The following HECW2 variants were observed in gnomAD, a reference collection of about 807,000 sequenced individuals.
The protein encoded by HECW2 is HECT, C2 and WW domain containing E3 ubiquitin protein ligase 2, also known as E3 ubiquitin-protein ligase HECW2.
In HECW2, 61 loss-of-function variants were observed where a neutral mutation model predicts 175.2. That is an observed-to-expected ratio of 0.35 (90% confidence interval 0.28 to 0.43). HECW2 has a LOEUF of 0.43. HECW2 is among the 20% of genes least tolerant of loss of function. The probability of loss-of-function intolerance (pLI) is 1.00; values close to 1 mark genes in which losing one functional copy is unlikely to be tolerated. For synonymous variants in HECW2, 671 were observed against 731.0 expected, an observed-to-expected ratio of 0.92 and a Z score of 1.32; for missense variants, 1,524 against 2,000.5, an observed-to-expected ratio of 0.76 and a Z score of 4.54.
At chr2:196,245,551 C>T (rs908578246) in intron 19 of HECW2, among the ~76,000 whole-genome samples, 10 of 152,126 alleles carry the variant, frequency 6.6e-5, no homozygotes, top group Admixed American at 2.0e-4. Flanking sequence ...CAGGGCCACA[C>T]GTGTGGATGA....
intron 1 of HECW2, among the ~76,000 whole-genome samples, chr2:196,515,994 G>C (rs887838237): frequency 1.3e-5 from 2 of 150,980 alleles, no homozygotes; most frequent in Non-Finnish European, 2.9e-5. Context: ...AAAAATAGTT[G>C]GACATGGTGG....
At chr2:196,294,758 T>C (rs1406025307) in intron 13 of HECW2, among the ~76,000 whole-genome samples, 1 of 152,188 alleles carries the variant, frequency 6.6e-6, no homozygotes, top group Non-Finnish European at 1.5e-5. Flanking sequence ...TGAGTCCCTC[T>C]AGAGCTTTCT....
At chr2:196,426,469 G>T (rs1695550029) in intron 2 of HECW2, among the ~76,000 whole-genome samples, 1 of 151,388 alleles carries the variant, frequency 6.6e-6, no homozygotes, top group Non-Finnish European at 1.5e-5. Flanking sequence ...TCTCATTGTG[G>T]TTTGAATTTG....
At chr2:196,368,996 G>A (rs1483626219) in intron 2 of HECW2, among the ~76,000 whole-genome samples, 2 of 152,056 alleles carry the variant, frequency 1.3e-5, no homozygotes, top group Admixed American at 1.3e-4. Flanking sequence ...TAGTTCCTTT[G>A]GTGAGGTCAT....
At chr2:196,261,937 A>G (rs1285749749) in intron 17 of HECW2, among the ~76,000 whole-genome samples, 4 of 152,262 alleles carry the variant, frequency 2.6e-5, no homozygotes, top group Non-Finnish European at 4.4e-5. Flanking sequence ...GAATAACATA[A>G]CAAGTTTGAG....
chr2:196,481,975 CT>C (rs1378426008), intron 1 of HECW2, among the ~76,000 whole-genome samples: 15 of 152,312 alleles, frequency 9.8e-5, no homozygotes, highest in African/African-American at 3.6e-4. Flanking sequence ...TGCCTTCTAA[CT>C]ACCTTCTCTT....
At chr2:196,356,109 G>A (rs191268100) in intron 2 of HECW2, among the ~76,000 whole-genome samples, 40 of 152,320 alleles carry the variant, frequency 2.6e-4, no homozygotes, top group Admixed American at 1.2e-3. Context: ...GAAACAGACA[G>A]GCAGGGGCCA....
At chr2:196,418,223 G>T (rs1205854956) in intron 2 of HECW2, among the ~76,000 whole-genome samples, 6 of 151,934 alleles carry the variant, frequency 3.9e-5, no homozygotes, top group Non-Finnish European at 7.4e-5. Flanking sequence ...CTGCCTCCCG[G>T]GTTCACGCCA....
chr2:196,329,426 G>A, intron 5 of HECW2, 149 bp downstream of exon 5: 2 of 557,284 alleles, frequency 3.6e-6, no homozygotes, highest in Non-Finnish European at 6.4e-6. Context: ...CATGGTAAGA[G>A]ATATACTTGA....
At chr2:196,388,293 C>T (rs1237566058) in intron 2 of HECW2, among the ~76,000 whole-genome samples, 2 of 151,724 alleles carry the variant, frequency 1.3e-5, no homozygotes, top group African/African-American at 4.8e-5. Flanking sequence ...GACACTGTCT[C>T]AAAAAAAATT....
At chr2:196,584,134 C>T (rs942354782) in intron 1 of HECW2, among the ~76,000 whole-genome samples, 7 of 152,150 alleles carry the variant, frequency 4.6e-5, no homozygotes, top group Admixed American at 2.0e-4. Flanking sequence ...ATGACAAAAA[C>T]CACTGTTTTT....
rs943019813 is a variant in HECW2, at chr2:196,195,683, C to T, written c.*5594G>A. ...TGCTATTCTAATGTCAAGGGATGTC[C>T]GCTAAAAAAACCAAATAAGTATAAT... On this transcript the variant is annotated 3_prime_UTR_variant, in exon 29 of 29. Transcript: ENST00000644978. 6.6e-6 allele frequency: 1 copy of T among 152,000 alleles called. No individual in the cohort carries two copies. The highest frequency in any genetic ancestry group is 2.1e-4 in the South Asian group (1 of 4,816). The allele number at this position is 152,000 out of a possible 1,614,324, so 9.4% of individuals were successfully genotyped here.
At chr2:196,411,752 T>C (rs912762952) in intron 2 of HECW2, among the ~76,000 whole-genome samples, 1 of 152,264 alleles carries the variant, frequency 6.6e-6, no homozygotes, top group Non-Finnish European at 1.5e-5. Flanking sequence ...GGCTCACGCC[T>C]GTAATCCTAG....
At chr2:196,356,635 AAAG>A (rs956187555) in intron 2 of HECW2, among the ~76,000 whole-genome samples, 20 of 152,330 alleles carry the variant, frequency 1.3e-4, no homozygotes, top group Non-Finnish European at 2.1e-4. Context: ...ATCATCACAA[AAAG>A]AAGAAGAAGG....
At chr2:196,245,991 T>C (rs1688629581) in intron 19 of HECW2, among the ~76,000 whole-genome samples, 1 of 152,228 alleles carries the variant, frequency 6.6e-6, no homozygotes, top group African/African-American at 2.4e-5. Context: ...GTCCAGATGA[T>C]TCCAATGTGT....
chr2:196,542,335 G>A (rs551298421), intron 1 of HECW2, among the ~76,000 whole-genome samples: 1 of 149,388 alleles, frequency 6.7e-6, no homozygotes, highest in African/African-American at 2.5e-5. Context: ...AAGAACAAAA[G>A]AACTAGAATT....
At chr2:196,297,909 C>T (rs1575378352) in intron 13 of HECW2, among the ~76,000 whole-genome samples, 2 of 152,270 alleles carry the variant, frequency 1.3e-5, no homozygotes, top group South Asian at 4.1e-4. Flanking sequence ...ACAGGATTTA[C>T]ATTGTTCTCA....
At position 196,201,204 on chromosome 2, in the gene HECW2, A is replaced by G; in HGVS notation, c.*73T>C. 4 of 973,652 alleles carry G rather than the reference A, an allele frequency of 4.1e-6. No homozygotes were observed. Among genetic ancestry groups the G allele is most frequent in the South Asian group, 3.9e-5 (3 of 77,618 alleles). 60.3% of individuals were successfully genotyped at this position (973,652 alleles called of 1,614,324 possible). A position where few individuals can be genotyped will look rare whatever the true frequency, so the allele number is the denominator to read the frequency against. ...AAGGAAGCATCCTCTTGAAACTTCCAATGTTCAATCATTCTTCTAGAAGGC... is the reference window on the plus strand; with the variant it reads ...AAGGAAGCATCCTCTTGAAACTTCCGATGTTCAATCATTCTTCTAGAAGGC... On this transcript the variant is annotated 3_prime_UTR_variant, in exon 29 of 29. Coordinates refer to ENST00000644978, the MANE Select transcript of HECW2 (RefSeq NM_001348768.2).
At chr2:196,221,210 G>T (rs79407015) in intron 24 of HECW2, among the ~76,000 whole-genome samples, 1 of 152,038 alleles carries the variant, frequency 6.6e-6, no homozygotes, top group Non-Finnish European at 1.5e-5. Context: ...CCGATGAATC[G>T]GCTTCAGATA....
Sources: gnomAD v4.1 joint callset for allele counts (sites outside exome capture counted in the v4.1 genomes callset) on GRCh38, gnomAD v4.1.1 for gene constraint, MANE v1.5 for transcripts, NCBI Gene and HGNC (gene_info 2026-07-23, HGNC 2026-07-21) for gene names.